The following WNK2 variants were observed in gnomAD, a reference collection of about 807,000 sequenced individuals.
The protein encoded by WNK2 is WNK lysine deficient protein kinase 2, also known as serine/threonine-protein kinase WNK2.
Under a neutral mutation model 192.1 loss-of-function variants are expected in WNK2, and 67 were observed. The ratio of observed to expected loss-of-function variants is 0.35; its 90% confidence interval spans 0.29 to 0.43. The LOEUF (loss-of-function observed/expected upper bound fraction) is 0.43. Among genes scored for constraint, WNK2 ranks in the 20% least tolerant of loss-of-function variants. WNK2 has a pLI of 1.00. For missense variants in WNK2, 2,698 were observed against 3,089.7 expected, an observed-to-expected ratio of 0.87 and a Z score of 3.01; for synonymous variants, 1,439 against 1,393.9, an observed-to-expected ratio of 1.03 and a Z score of -0.72.
chr9:93,228,084 A>G (rs1284449731), intron 2 of WNK2, among the ~76,000 whole-genome samples: 1 of 152,030 alleles, frequency 6.6e-6, no homozygotes, highest in Non-Finnish European at 1.5e-5. Flanking sequence ...TCTCTGAATT[A>G]TTTGTTTTCT....
intron 2 of WNK2, among the ~76,000 whole-genome samples, chr9:93,217,246 C>G (rs1354659222): frequency 6.6e-6 from 1 of 152,184 alleles, no homozygotes; most frequent in Admixed American, 6.5e-5. Flanking sequence ...CGAAAGCCAC[C>G]GTGCCCAGCC....
intron 26 of WNK2, among the ~76,000 whole-genome samples, chr9:93,306,432 G>C (rs1351450303): frequency 6.6e-6 from 1 of 152,254 alleles, no homozygotes; most frequent in South Asian, 2.1e-4. Flanking sequence ...CCAGAAGCCT[G>C]ATGTTTGAAA....
At position 93,256,896 on chromosome 9, in the gene WNK2, G is replaced by T. The variant is rs575272537; in HGVS notation, c.2191-52G>T. The T allele has an allele frequency of 2.8e-5, 42 of 1,482,848 alleles. No individual in the cohort carries two copies. The East Asian group carries it at 7.7e-4, about 27-fold the overall frequency. 91.9% of individuals were successfully genotyped at this position (1,482,848 alleles called of 1,614,324 possible). A position where few individuals can be genotyped will look rare whatever the true frequency, so the allele number is the denominator to read the frequency against. On this transcript the variant is annotated intron_variant, in intron 10 of 29. Coordinates refer to ENST00000427277, the MANE Select transcript of WNK2 (RefSeq NM_006648.4). ...CTGTCATGTGTAACCAGTGGGGTGC[G>T]CTTGTCTGGGCAGATTGGTGGTCTA...
At chr9:93,201,086 G>A (rs906428190) in intron 2 of WNK2, among the ~76,000 whole-genome samples, 10 of 152,270 alleles carry the variant, frequency 6.6e-5, no homozygotes, top group African/African-American at 1.4e-4. Flanking sequence ...GGACCTAGGC[G>A]TCCCCTCCCA....
intron 26 of WNK2, among the ~76,000 whole-genome samples, chr9:93,304,207 G>A (rs540565743): frequency 6.6e-6 from 1 of 152,348 alleles, no homozygotes; most frequent in South Asian, 2.1e-4. Context: ...GCAGGTGCTC[G>A]GGCTACCCAG....
intron 1 of WNK2, among the ~76,000 whole-genome samples, 189 bp from the exon 2 acceptor site, chr9:93,184,739 C>T (rs1282277700): frequency 6.6e-6 from 1 of 152,128 alleles, no homozygotes; most frequent in South Asian, 2.1e-4. Context: ...ACCCCTCCTC[C>T]CCAACCCAAG....
Position 93,289,135 on chromosome 9 carries a change from G to C in WNK2, c.4381G>C (p.Glu1461Gln), listed in dbSNP as rs779181916. 1.6e-5 allele frequency: 26 copies of C among 1,602,154 alleles called. No individual in the cohort carries two copies. Among genetic ancestry groups the C allele is most frequent in the Non-Finnish European group, 2.2e-5 (26 of 1,173,792 alleles). The change falls in exon 20 of 30, where the codon GAG (glutamate) becomes CAG (glutamine). Residue 1461 changes from glutamate (E) to glutamine (Q), a missense_variant. This residue lies in a region of WNK2 where 1,098 missense variants were observed against 1,101.0 expected (regional missense o/e 1.00). Transcript: ENST00000427277. ...VGLAPCTPAP[E>Q]AASTRDASAP... ...CCTAGCACCTTGCACTCCAGCTCCAGAGGCTGCCTCAACCAGGGACGCCAG... is the reference window on the plus strand; with the variant it reads ...CCTAGCACCTTGCACTCCAGCTCCACAGGCTGCCTCAACCAGGGACGCCAG...
intron 19 of WNK2, chr9:93,269,004 G>T (rs1845639089): frequency 1.3e-6 from 2 of 1,484,902 alleles, no homozygotes; most frequent in African/African-American, 2.8e-5. Flanking sequence ...GGCCATATAG[G>T]TGTGTGTTGA....
At chr9:93,309,094 G>C in intron 28 of WNK2, 1 of 987,470 alleles carries the variant, frequency 1.0e-6, no homozygotes, top group Non-Finnish European at 1.2e-6. Context: ...ATGTCAGCGC[G>C]AGTTGGAGAA....
chr9:93,306,996 G>T, intron 27 of WNK2, 175 bp downstream of exon 27: 1 of 742,358 alleles, frequency 1.3e-6, no homozygotes, highest in Non-Finnish European at 2.3e-6. Flanking sequence ...CGGGATCGCT[G>T]TCCTCGGCTC....
intron 1 of WNK2, among the ~76,000 whole-genome samples, 200 bp downstream of exon 1, chr9:93,184,585 C>A (rs1340846381): frequency 6.6e-6 from 1 of 152,188 alleles, no homozygotes; most frequent in Non-Finnish European, 1.5e-5. Context: ...GCAGAACCCT[C>A]CTGGGCCAGG....
At chr9:93,202,324 A>ATG (rs1832532096) in intron 2 of WNK2, among the ~76,000 whole-genome samples, 1 of 74,410 alleles carries the variant, frequency 1.3e-5, no homozygotes, top group African/African-American at 5.5e-5. Context: ...CTCCGTGTGC[A>ATG]CGTGTGTGTG....
rs201411351 is a variant in WNK2, at chr9:93,216,966, CT to C, written c.682-12719del. ...AATTATCAATAAGATTCAAAAAAAT[CT>C]TTTTTTTTTTGAGACGAAGTCTTGC... On this transcript the variant is annotated intron_variant, in intron 2 of 29. Transcript: ENST00000427277. Among the ~76,000 whole-genome samples, 49 of 147,058 alleles carry C rather than the reference CT, an allele frequency of 3.3e-4. No homozygotes were observed. In the East Asian group the frequency reaches 4.6e-3, roughly 14 times the overall value.
At chr9:93,218,322 C>A (rs952576760) in intron 2 of WNK2, among the ~76,000 whole-genome samples, 1 of 152,142 alleles carries the variant, frequency 6.6e-6, no homozygotes, top group Non-Finnish European at 1.5e-5. Context: ...TGGTGCTATC[C>A]AAATCTATCT....
intron 26 of WNK2, among the ~76,000 whole-genome samples, chr9:93,304,424 G>A (rs1852136992): frequency 1.3e-5 from 2 of 152,270 alleles, no homozygotes; most frequent in Admixed American, 1.3e-4. Flanking sequence ...CAACAGCTGG[G>A]ATGAGGCTGC....
chr9:93,196,282 C>G (rs566458596), intron 2 of WNK2, among the ~76,000 whole-genome samples: 29 of 152,120 alleles, frequency 1.9e-4, no homozygotes, highest in Non-Finnish European at 4.0e-4. Flanking sequence ...TGCTTGCTCT[C>G]CGGTGGGGGA....
intron 2 of WNK2, among the ~76,000 whole-genome samples, chr9:93,210,801 T>A (rs1045494653): frequency 2.6e-5 from 4 of 152,142 alleles, no homozygotes; most frequent in Non-Finnish European, 5.9e-5. Context: ...ATTGTCTCTT[T>A]TATGTCCCAG....
intron 2 of WNK2, among the ~76,000 whole-genome samples, chr9:93,194,866 AT>A (rs1286342437): frequency 6.6e-5 from 10 of 152,222 alleles, no homozygotes; most frequent in Non-Finnish European, 1.3e-4. Flanking sequence ...ATGCAATCTT[AT>A]TTAGTGCTAA....
Position 93,297,918 on chromosome 9 carries a change from G to T in WNK2, c.5774G>T (p.Arg1925Leu). ...CAGGAGATCGAAGCTCTGTACCGCC[G>T]CCTGGGCAAGCCACTGCCCCCCAAC... The part of the protein sequence containing the change: ...QKQEIEALYR[R>L]LGKPLPPNVG... Residue 1925 changes from arginine to leucine, a missense_variant, in exon 24 of 30, where the codon CGC becomes CTC. Transcript: ENST00000427277. The T allele has an allele frequency of 3.8e-6, 6 of 1,588,034 alleles. No homozygotes were observed. The highest frequency in any genetic ancestry group is 5.1e-6 in the Non-Finnish European group (6 of 1,168,948).
Sources: allele counts gnomAD v4.1 joint callset (sites outside exome capture counted in the v4.1 genomes callset), GRCh38; gene constraint gnomAD v4.1.1; regional missense constraint gnomAD v4.1.1; transcripts MANE v1.5; gene names NCBI Gene and HGNC (gene_info 2026-07-23, HGNC 2026-07-21).